The following SLC43A2 variants were observed in gnomAD, a reference collection of about 807,000 sequenced individuals.
SLC43A2 encodes the protein solute carrier family 43 member 2.
SLC43A2 carries 38 observed loss-of-function variants against 63.2 expected under a neutral mutation model. The observed-to-expected ratio is 0.60, with a 90% confidence interval of 0.46 to 0.79. The LOEUF (loss-of-function observed/expected upper bound fraction) is 0.79. Among genes scored for constraint, SLC43A2 ranks in the 30% least tolerant of loss-of-function variants. The probability of loss-of-function intolerance (pLI) is 0.00; values close to 1 mark genes in which losing one functional copy is unlikely to be tolerated. For synonymous variants in SLC43A2, 322 were observed against 331.0 expected (o/e 0.97, Z 0.30); for missense variants, 644 against 756.2 (o/e 0.85, Z 1.74).
Position 1,593,173 on chromosome 17 carries a change from AT to A in SLC43A2, c.594+13del, listed in dbSNP as rs1904981338. ...GCCTCTGCACAGACACCAGTGCAAAATACACGTGCTCACCTTGATTCCTGGA... is the reference window on the plus strand; with the variant it reads ...GCCTCTGCACAGACACCAGTGCAAAAACACGTGCTCACCTTGATTCCTGGA... On this transcript the variant is annotated intron_variant, in intron 6 of 13. Coordinates refer to ENST00000301335, the MANE Select transcript of SLC43A2 (RefSeq NM_152346.3). The surrounding 1 kb of genome is among the most constrained non-coding windows in gnomAD (Gnocchi z 5.3). 1 of 1,611,906 alleles carries A rather than the reference AT, an allele frequency of 6.2e-7. No individual in the cohort carries two copies. Among genetic ancestry groups the A allele is most frequent in the Non-Finnish European group, 8.5e-7 (1 of 1,178,898 alleles).
At chr17:1,624,964 G>A (rs1044915098) in intron 2 of SLC43A2, among the ~76,000 whole-genome samples, 1 of 152,152 alleles carries the variant, frequency 6.6e-6, no homozygotes, top group African/African-American at 2.4e-5. Context: ...TGAAGCGGGG[G>A]CCACTGGACA....
chr17:1,582,638 A>G (rs1036342458), intron 11 of SLC43A2, among the ~76,000 whole-genome samples: 2 of 152,158 alleles, frequency 1.3e-5, no homozygotes, highest in Non-Finnish European at 2.9e-5. Context: ...AAACCAAGAC[A>G]TGCCTTCCGG....
chr17:1,602,205 C>A (rs1312768222), intron 5 of SLC43A2, among the ~76,000 whole-genome samples: 1 of 152,176 alleles, frequency 6.6e-6, no homozygotes, highest in Non-Finnish European at 1.5e-5. Flanking sequence ...CAGGGTCTCA[C>A]TCTATTGCCC....
At chr17:1,617,430 G>A (rs920750112) in intron 2 of SLC43A2, among the ~76,000 whole-genome samples, 1 of 151,566 alleles carries the variant, frequency 6.6e-6, no homozygotes, top group African/African-American at 2.4e-5. Context: ...TCACTCTGTT[G>A]CCCAGGCTGG....
Position 1,578,473 on chromosome 17 carries a change from C to T in SLC43A2, c.1351-150G>A. 1.5e-6 allele frequency: 1 copy of T among 653,044 alleles called. No individual in the cohort carries two copies. Among genetic ancestry groups the T allele is most frequent in the Non-Finnish European group, 2.5e-6 (1 of 394,728 alleles). 40.5% of individuals were successfully genotyped at this position (653,044 alleles called of 1,614,324 possible). ...TCCTCCGGAGCCAATTGTGAATTTTCAGAAATTTTGCAAGCCAGTCGTTAA... is the reference window on the plus strand; with the variant it reads ...TCCTCCGGAGCCAATTGTGAATTTTTAGAAATTTTGCAAGCCAGTCGTTAA... On this transcript the variant is annotated intron_variant, in intron 11 of 13. Transcript: ENST00000301335. This position sits in a 1 kb window ranked among gnomAD's most constrained non-coding sequence, Gnocchi z 6.5.
intron 5 of SLC43A2, among the ~76,000 whole-genome samples, chr17:1,601,376 G>A (rs1326396398): frequency 2.6e-5 from 4 of 152,038 alleles, no homozygotes; most frequent in Non-Finnish European, 5.9e-5. Context: ...TGGATCCCGA[G>A]ATGGCTAATA....
At chr17:1,596,087 G>A (rs935267622) in intron 5 of SLC43A2, among the ~76,000 whole-genome samples, 38 of 152,272 alleles carry the variant, frequency 2.5e-4, no homozygotes, top group African/African-American at 5.3e-4. Context: ...TTGGGAGGCC[G>A]AGGCAGGCAG....
At chr17:1,589,043 G>A (rs960213996) in intron 9 of SLC43A2, among the ~76,000 whole-genome samples, 2 of 152,248 alleles carry the variant, frequency 1.3e-5, no homozygotes, top group African/African-American at 2.4e-5. Flanking sequence ...TAGGGCTATG[G>A]GTGTTGGGTG....
At chr17:1,624,881 G>A (rs1406291443) in intron 2 of SLC43A2, among the ~76,000 whole-genome samples, 2 of 152,182 alleles carry the variant, frequency 1.3e-5, no homozygotes, top group Non-Finnish European at 2.9e-5. Context: ...GGGCAACAGA[G>A]CGAGACCCTG....
intron 2 of SLC43A2, among the ~76,000 whole-genome samples, chr17:1,618,950 C>T (rs912172378): frequency 1.3e-5 from 2 of 152,112 alleles, no homozygotes; most frequent in African/African-American, 4.8e-5. Context: ...CACACCACTG[C>T]ACTCCAGCCT....
intron 5 of SLC43A2, among the ~76,000 whole-genome samples, chr17:1,610,275 A>G (rs752292145): frequency 2.5e-4 from 38 of 151,012 alleles, no homozygotes; most frequent in Non-Finnish European, 3.7e-4. Flanking sequence ...TTTTACTTTT[A>G]TTTTTGGGAC....
intron 5 of SLC43A2, among the ~76,000 whole-genome samples, chr17:1,600,442 C>T (rs1304740653): frequency 6.0e-5 from 9 of 150,364 alleles, no homozygotes; most frequent in South Asian, 4.2e-4. Flanking sequence ...TGAGCCACCG[C>T]GCCCTTCCAA....
chr17:1,613,302 G>T (rs764151640), intron 4 of SLC43A2, 31 bp from the exon 5 acceptor site: 9 of 1,608,430 alleles, frequency 5.6e-6, no homozygotes, highest in African/African-American at 1.3e-5. Flanking sequence ...CGTGAGTGGA[G>T]ACCCCAGCTG....
At chr17:1,607,733 TG>T (rs1209932965) in intron 5 of SLC43A2, among the ~76,000 whole-genome samples, 2 of 151,966 alleles carry the variant, frequency 1.3e-5, no homozygotes, top group African/African-American at 4.8e-5. Flanking sequence ...TTTTTTTTTT[TG>T]AGTCAGAGTC....
Position 1,607,289 on chromosome 17 carries a change from A to G in SLC43A2, c.501+5906T>C, listed in dbSNP as rs565754596. On this transcript the variant is annotated intron_variant, in intron 5 of 13. Transcript: ENST00000301335. The stretch of plus-strand genomic sequence containing the variant: ...GTGGGAGACACAAACAGAAAGTGCC[A>G]TTGTGCCCTGAGCTTGGCGTCTCTG... Among the ~76,000 whole-genome samples the G allele has an allele frequency of 2.1e-3, 320 of 152,198 alleles. 1 individual carries two copies. The highest frequency in any genetic ancestry group is 3.1e-3 in the Non-Finnish European group (213 of 68,014).
chr17:1,583,315 C>A lies in SLC43A2; in HGVS notation c.1239G>T (p.Lys413Asn). 6.2e-7 allele frequency: 1 copy of A among 1,614,058 alleles called. No homozygotes were observed. The highest frequency in any genetic ancestry group is 8.5e-7 in the Non-Finnish European group (1 of 1,180,008). Reference protein sequence around the residue: ...DANQGEKKKKKRDRQIQKITN... With the variant: ...DANQGEKKKKNRDRQIQKITN... ...TGATCTTCTGGATCTGCCGGTCCCG[C>A]TTCTTCTTTTTCTTCTCGCCTCTGT... Residue 413 changes from lysine to asparagine, a missense_variant, in exon 11 of 14, where the codon AAG becomes AAT. By Grantham distance (94) the Lys-to-Asn change is moderately conservative. Coordinates refer to ENST00000301335, the MANE Select transcript of SLC43A2 (RefSeq NM_152346.3). The surrounding 1 kb of genome is among the most constrained non-coding windows in gnomAD (Gnocchi z 5.5).
At chr17:1,627,946 G>A in intron 1 of SLC43A2, 26 bp from the exon 2 acceptor site, 1 of 1,372,648 alleles carries the variant, frequency 7.3e-7, no homozygotes, top group Non-Finnish European at 9.4e-7. Flanking sequence ...GGCGTCAGCG[G>A]CCGGCCCTTG....
intron 11 of SLC43A2, among the ~76,000 whole-genome samples, chr17:1,581,623 G>A (rs2151031888): frequency 6.6e-6 from 1 of 152,232 alleles, no homozygotes; most frequent in East Asian, 1.9e-4. Flanking sequence ...CACCTCTCTG[G>A]AAGGAAAAGC....
intron 9 of SLC43A2, among the ~76,000 whole-genome samples, chr17:1,586,351 G>C (rs542880005): frequency 1.3e-5 from 2 of 152,250 alleles, no homozygotes; most frequent in East Asian, 3.9e-4. Flanking sequence ...TATAACTTGG[G>C]AACTCCTGTG....
Sources: allele counts gnomAD v4.1 joint callset (sites outside exome capture counted in the v4.1 genomes callset), GRCh38; gene constraint gnomAD v4.1.1; non-coding constraint Gnocchi (gnomAD v3.1); transcripts MANE v1.5; gene names NCBI Gene and HGNC (gene_info 2026-07-23, HGNC 2026-07-21).